The following PARD3B variants were observed in gnomAD, a reference collection of about 807,000 sequenced individuals.
PARD3B encodes partitioning defective 3 homolog B.
PARD3B carries 103 observed loss-of-function variants against 130.2 expected under a neutral mutation model. The ratio of observed to expected loss-of-function variants is 0.79; its 90% confidence interval spans 0.67 to 0.93. The LOEUF (loss-of-function observed/expected upper bound fraction) is 0.93. PARD3B is among the 40% of genes least tolerant of loss of function. The pLI, the probability that PARD3B is intolerant of heterozygous loss-of-function variation, is 0.00. For missense variants in PARD3B, 1,609 were observed against 1,499.2 expected (o/e 1.07, Z -1.21); for synonymous variants, 583 against 553.2 (o/e 1.05, Z -0.76).
chr2:204,821,239 G>C (rs537745284), intron 2 of PARD3B, among the ~76,000 whole-genome samples: 1 of 152,076 alleles, frequency 6.6e-6, no homozygotes, highest in South Asian at 2.1e-4. Context: ...TTCCCATGCT[G>C]TTCTCTTTGA....
At chr2:205,582,139 A>T (rs2054012489) in intron 22 of PARD3B, among the ~76,000 whole-genome samples, 1 of 152,180 alleles carries the variant, frequency 6.6e-6, no homozygotes, top group South Asian at 2.1e-4. Context: ...AGCAGGTTGC[A>T]AGGCTTGCAC....
chr2:204,665,014 G>A (rs1335152884), intron 1 of PARD3B, among the ~76,000 whole-genome samples: 2 of 151,954 alleles, frequency 1.3e-5, no homozygotes, highest in Non-Finnish European at 2.9e-5. Flanking sequence ...GAAAATGTTT[G>A]TACTGATTTA....
chr2:205,512,918 G>T (rs1371148088), intron 21 of PARD3B, among the ~76,000 whole-genome samples: 1 of 149,948 alleles, frequency 6.7e-6, no homozygotes, highest in Non-Finnish European at 1.5e-5. Context: ...CTAATTGGCA[G>T]AGCCACAGCT....
At chr2:204,720,038 C>T (rs1490746759) in intron 2 of PARD3B, among the ~76,000 whole-genome samples, 3 of 149,332 alleles carry the variant, frequency 2.0e-5, no homozygotes, top group Non-Finnish European at 4.4e-5. Context: ...TGTAAAGAGG[C>T]ACATGACATT....
chr2:204,964,995 T>G (rs373504732), intron 2 of PARD3B, among the ~76,000 whole-genome samples, 157 bp from the exon 3 acceptor site: 1 of 152,154 alleles, frequency 6.6e-6, no homozygotes, highest in Non-Finnish European at 1.5e-5. Flanking sequence ...GACATAATAT[T>G]ATTGAAAAAT....
chr2:205,211,120 A>C (rs2037609508), intron 15 of PARD3B, among the ~76,000 whole-genome samples: 1 of 152,088 alleles, frequency 6.6e-6, no homozygotes, highest in Non-Finnish European at 1.5e-5. Flanking sequence ...AAGTCAATTA[A>C]TCTTTCTAAA....
chr2:205,424,187 T>C (rs2047067399), intron 19 of PARD3B, among the ~76,000 whole-genome samples: 2 of 152,214 alleles, frequency 1.3e-5, no homozygotes, highest in Non-Finnish European at 2.9e-5. Context: ...ACCCTCTGTG[T>C]CTTTTTAAAC....
intron 2 of PARD3B, among the ~76,000 whole-genome samples, chr2:204,872,852 T>A (rs1483226066): frequency 6.6e-6 from 1 of 152,214 alleles, no homozygotes; most frequent in African/African-American, 2.4e-5. Context: ...GAGTCTTTTA[T>A]TGTGAATTGT....
chr2:204,692,883 A>G (rs1574721708), intron 2 of PARD3B, among the ~76,000 whole-genome samples: 1 of 152,064 alleles, frequency 6.6e-6, no homozygotes, highest in African/African-American at 2.4e-5. Context: ...TAAACTCATC[A>G]TCTTTCAAAA....
chr2:205,322,010 A>G (rs1184891647), intron 18 of PARD3B, among the ~76,000 whole-genome samples: 2 of 152,192 alleles, frequency 1.3e-5, no homozygotes, highest in African/African-American at 4.8e-5. Flanking sequence ...CTGCAGAAGG[A>G]TCCTTAGAAA....
intron 18 of PARD3B, among the ~76,000 whole-genome samples, chr2:205,315,954 T>G (rs1000345820): frequency 6.6e-6 from 1 of 152,194 alleles, no homozygotes; most frequent in African/African-American, 2.4e-5. Flanking sequence ...GTTTTGAGTT[T>G]ACACATCTGT....
At chr2:205,061,901 C>A (rs1352657670) in intron 4 of PARD3B, among the ~76,000 whole-genome samples, 4 of 151,850 alleles carry the variant, frequency 2.6e-5, no homozygotes, top group African/African-American at 9.7e-5. Flanking sequence ...ATGTTGTCTT[C>A]CTTATAATTA....
intron 2 of PARD3B, among the ~76,000 whole-genome samples, chr2:204,956,239 C>A (rs1333170500): frequency 1.3e-5 from 2 of 152,208 alleles, no homozygotes; most frequent in East Asian, 3.9e-4. Context: ...TGAGAGATTG[C>A]CAAGGAGTAT....
chr2:204,998,085 G>T (rs935055764), intron 3 of PARD3B, among the ~76,000 whole-genome samples: 2 of 149,210 alleles, frequency 1.3e-5, no homozygotes, highest in Non-Finnish European at 3.0e-5. Flanking sequence ...CAGTACTGGA[G>T]ATCTTAACAT....
At chr2:204,813,589 T>C (rs1015632801) in intron 2 of PARD3B, among the ~76,000 whole-genome samples, 1 of 152,146 alleles carries the variant, frequency 6.6e-6, no homozygotes, top group Non-Finnish European at 1.5e-5. Flanking sequence ...AACTTTTGCC[T>C]AATCTCAGTT....
At chr2:204,927,860 G>GTAGA (rs199752520) in intron 2 of PARD3B, among the ~76,000 whole-genome samples, 5 of 151,998 alleles carry the variant, frequency 3.3e-5, no homozygotes, top group South Asian at 2.1e-4. Context: ...AGGTAGGTAG[G>GTAGA]TAGATAGATA....
In PARD3B at chr2:205,309,792, A is replaced by G. The variant is rs1205956717; in HGVS notation, c.2630+8091A>G. Among the ~76,000 whole-genome samples the G allele has an allele frequency of 6.6e-6, 1 of 152,198 alleles. No individual in the cohort carries two copies. Among genetic ancestry groups the G allele is most frequent in the African/African-American group, 2.4e-5 (1 of 41,438 alleles). On this transcript the variant is annotated intron_variant, in intron 18 of 22. Coordinates refer to ENST00000406610, the MANE Select transcript of PARD3B (RefSeq NM_001302769.2). The surrounding 1 kb of genome is among the most constrained non-coding windows in gnomAD (Gnocchi z 4.7). Reference sequence around the variant, plus strand: ...CCTCCTCATCAGCAAACTAAGTATAATAACACATCCTGTCCAGGTTGTTGT... The same window carrying G: ...CCTCCTCATCAGCAAACTAAGTATAGTAACACATCCTGTCCAGGTTGTTGT...
chr2:205,431,374 G>C (rs1310081338), intron 19 of PARD3B, among the ~76,000 whole-genome samples: 1 of 152,118 alleles, frequency 6.6e-6, no homozygotes, highest in African/African-American at 2.4e-5. Flanking sequence ...ACCATGCCCA[G>C]CCCGAAACTT....
intron 1 of PARD3B, among the ~76,000 whole-genome samples, chr2:204,619,348 C>T (rs2125125684): frequency 6.6e-6 from 1 of 152,292 alleles, no homozygotes; most frequent in Non-Finnish European, 1.5e-5. Context: ...CTACTAGTGA[C>T]AGCATACAGA....
Sources: allele counts gnomAD v4.1 joint callset (sites outside exome capture counted in the v4.1 genomes callset), GRCh38; gene constraint gnomAD v4.1.1; non-coding constraint Gnocchi (gnomAD v3.1); transcripts MANE v1.5; gene names NCBI Gene and HGNC (gene_info 2026-07-23, HGNC 2026-07-21).